SYDE2: variants seen among roughly 807,000 people sequenced by gnomAD.
SYDE2 encodes the protein synapse defective Rho GTPase homolog 2.
A neutral mutation model predicts 91.5 loss-of-function variants in SYDE2; 76 were observed. The ratio of observed to expected loss-of-function variants is 0.83; its 90% CI spans 0.69 to 1.01. The LOEUF is 1.01. Among genes scored for constraint, SYDE2 ranks in the 50% least tolerant of loss-of-function variants. SYDE2 has a pLI of 0.00. For missense variants in SYDE2, 1,364 were observed against 1,367.7 expected, an observed-to-expected ratio of 1.00 and a Z score of 0.04; for synonymous variants, 513 against 506.4, an observed-to-expected ratio of 1.01 and a Z score of -0.18.
chr1:85,165,112 C>T (rs1571229005), intron 5 of SYDE2, among the ~76,000 whole-genome samples: 1 of 151,942 alleles, frequency 6.6e-6, no homozygotes, highest in African/African-American at 2.4e-5. Flanking sequence ...CGGGTGCCTA[C>T]GATCCCGGCT....
At chr1:85,159,945 G>C (rs2100641712) in intron 6 of SYDE2, 1 of 984,488 alleles carries the variant, frequency 1.0e-6, no homozygotes, top group East Asian at 1.1e-4. Context: ...TCCACATTAA[G>C]ACTAGTTTAT....
intron 2 of SYDE2, among the ~76,000 whole-genome samples, chr1:85,187,766 A>G (rs1311812830): frequency 2.6e-5 from 4 of 151,740 alleles, no homozygotes. Flanking sequence ...TATCTCAAGG[A>G]CAAAAAACCA....
intron 4 of SYDE2, among the ~76,000 whole-genome samples, chr1:85,177,771 C>T (rs1657757045): frequency 6.6e-6 from 1 of 152,142 alleles, no homozygotes; most frequent in East Asian, 1.9e-4. Context: ...CTTAATGGAT[C>T]CCCTCTGGCT....
chr1:85,173,913 C>T (rs543004031), intron 4 of SYDE2, among the ~76,000 whole-genome samples: 12 of 152,140 alleles, frequency 7.9e-5, no homozygotes, highest in African/African-American at 2.4e-4. Flanking sequence ...AAACCCATAT[C>T]GAACTTCTAG....
chr1:85,177,738 T>TC (rs1657752782), intron 4 of SYDE2, among the ~76,000 whole-genome samples: 1 of 152,174 alleles, frequency 6.6e-6, no homozygotes, highest in African/African-American at 2.4e-5. Flanking sequence ...ATCTCTATGA[T>TC]ATCACTCCCC....
intron 6 of SYDE2, among the ~76,000 whole-genome samples, chr1:85,163,441 TAATCTATA>T (rs1323923836): frequency 1.5e-5 from 1 of 65,570 alleles, no homozygotes; most frequent in African/African-American, 4.6e-5. Context: ...TCTTGTACTT[TAATCTATA>T]TATATATATA....
chr1:85,190,674 C>G lies in SYDE2; in HGVS notation c.824G>C (p.Gly275Ala), dbSNP rs772335868. 1 of 1,613,900 alleles carries G rather than the reference C, an allele frequency of 6.2e-7. No individual in the cohort carries two copies. Among genetic ancestry groups the G allele is most frequent in the Non-Finnish European group, 8.5e-7 (1 of 1,179,866 alleles). The change falls in exon 2 of 7, where the codon GGT becomes GCT. Residue 275 changes from glycine to alanine, a missense_variant. Gly to Ala is a moderately conservative substitution (Grantham distance 60). Transcript: ENST00000341460. ...EELKDNIEFRGHKPLNSITVS... is the reference protein window; with the variant it reads ...EELKDNIEFRAHKPLNSITVS... ...AGTGATGCTGTTAAGTGGCTTATGA[C>G]CTCTGAATTCAATATTATCCTTCAG... is the stretch of plus-strand genomic sequence containing the variant.
intron 6 of SYDE2, chr1:85,160,080 T>C (rs1216937782): frequency 1.0e-5 from 10 of 984,386 alleles, no homozygotes; most frequent in Non-Finnish European, 4.8e-6. Flanking sequence ...GTATATAAAA[T>C]AGACAATTTA....
At chr1:85,172,733 C>T (rs185910080) in intron 4 of SYDE2, among the ~76,000 whole-genome samples, 3 of 152,058 alleles carry the variant, frequency 2.0e-5, no homozygotes, top group South Asian at 2.1e-4. Flanking sequence ...AGGTAAAGCC[C>T]GACAGTTGAA....
intron 5 of SYDE2, among the ~76,000 whole-genome samples, chr1:85,168,799 A>T (rs546042660): frequency 1.3e-5 from 2 of 152,344 alleles, no homozygotes; most frequent in South Asian, 4.1e-4. Context: ...CAATACAATT[A>T]AAAAAACTTC....
chr1:85,163,445 C>CCATATATATATA (rs1553170238), intron 6 of SYDE2, among the ~76,000 whole-genome samples: 3 of 87,608 alleles, frequency 3.4e-5, no homozygotes, highest in Admixed American at 1.5e-4. Flanking sequence ...GTACTTTAAT[C>CCATATATATATA]TATATATATA....
intron 4 of SYDE2, among the ~76,000 whole-genome samples, chr1:85,172,280 A>G (rs115889162): frequency 0.022 from 3,279 of 152,272 alleles, 103 homozygotes; most frequent in African/African-American, 0.075. Flanking sequence ...TCGTCTGCTA[A>G]GAGTGACATG....
chr1:85,198,008 T>C (rs1257086959), intron 1 of SYDE2, among the ~76,000 whole-genome samples: 1 of 152,166 alleles, frequency 6.6e-6, no homozygotes, highest in Admixed American at 6.6e-5. Flanking sequence ...TCCCATCTTC[T>C]TTGCAACTTT....
intron 1 of SYDE2, among the ~76,000 whole-genome samples, chr1:85,198,347 TAGTA>T (rs1658676067): frequency 6.6e-6 from 1 of 152,178 alleles, no homozygotes; most frequent in African/African-American, 2.4e-5. Context: ...AGAATGGACT[TAGTA>T]AGACCAACTA....
rs138340364 is a variant in SYDE2, at chr1:85,175,922, T to C, written c.2671+2224A>G. Among the ~76,000 whole-genome samples the C allele has an allele frequency of 3.4e-3, 513 of 152,318 alleles. 1 individual carries two copies. Among genetic ancestry groups the C allele is most frequent in the African/African-American group, 0.012 (479 of 41,570 alleles). On this transcript the variant is annotated intron_variant, in intron 4 of 6. Transcript: ENST00000341460. The stretch of plus-strand genomic sequence containing the variant: ...TACCCAAATGGAATAGTACAAAGAA[T>C]TGAGCCAAGAAATATCCAATTTATA...
chr1:85,173,458 T>C (rs1657575795), intron 4 of SYDE2, among the ~76,000 whole-genome samples: 1 of 152,146 alleles, frequency 6.6e-6, no homozygotes, highest in Non-Finnish European at 1.5e-5. Flanking sequence ...CCACCAAGTT[T>C]GTGGTACTTT....
At chr1:85,187,964 A>T (rs1167398130) in intron 2 of SYDE2, among the ~76,000 whole-genome samples, 2 of 152,058 alleles carry the variant, frequency 1.3e-5, no homozygotes, top group Admixed American at 1.3e-4. Context: ...AAGTATACAT[A>T]TGTAACCTGT....
chr1:85,177,092 G>A (rs1264438431), intron 4 of SYDE2, among the ~76,000 whole-genome samples: 1 of 151,840 alleles, frequency 6.6e-6, no homozygotes, highest in Non-Finnish European at 1.5e-5. Flanking sequence ...CAAACATTCT[G>A]ACTCCTTTCC....
chr1:85,199,756 G>A (rs1658737823), intron 1 of SYDE2, among the ~76,000 whole-genome samples: 1 of 149,814 alleles, frequency 6.7e-6, no homozygotes. Context: ...GTATGCATGT[G>A]TGTGCGTGCC....
Sources: allele counts gnomAD v4.1 joint callset (sites outside exome capture counted in the v4.1 genomes callset), GRCh38; gene constraint gnomAD v4.1.1; transcripts MANE v1.5; gene names NCBI Gene and HGNC (gene_info 2026-07-23, HGNC 2026-07-21).